FOXP2: variants seen among roughly 807,000 people sequenced by gnomAD.
FOXP2 encodes the protein forkhead box protein P2.
A neutral mutation model predicts 115.8 loss-of-function variants in FOXP2; 12 were observed. The ratio of observed to expected loss-of-function variants is 0.10; its 90% CI spans 0.07 to 0.17. The LOEUF (loss-of-function observed/expected upper bound fraction) is 0.17, where lower values mean the gene tolerates loss of function less well. Among genes scored for constraint, FOXP2 ranks in the 10% least tolerant of loss-of-function variants. FOXP2 has a pLI of 1.00. For missense variants in FOXP2, 629 were observed against 843.5 expected (o/e 0.75, Z 3.15); for synonymous variants, 328 against 297.7 (o/e 1.10, Z -1.05).
At chr7:114,684,749 A>AT (rs1808271533) in intron 16 of FOXP2, among the ~76,000 whole-genome samples, 2 of 152,170 alleles carry the variant, frequency 1.3e-5, no homozygotes, top group Admixed American at 6.6e-5. Context: ...TCAAAATGTC[A>AT]TTTTTTATAA....
intron 1 of FOXP2, among the ~76,000 whole-genome samples, chr7:114,141,286 A>G (rs1014702461): frequency 4.6e-5 from 7 of 152,158 alleles, no homozygotes; most frequent in African/African-American, 1.4e-4. Flanking sequence ...CCCCAATATC[A>G]TTAAAGGATT....
intron 16 of FOXP2, among the ~76,000 whole-genome samples, chr7:114,689,379 AGTT>A (rs1453150105): frequency 2.0e-5 from 3 of 152,192 alleles, no homozygotes; most frequent in Admixed American, 1.3e-4. Context: ...TAGAAATAAC[AGTT>A]GTTATCTTAA....
In FOXP2 at chr7:114,191,460, CTT is replaced by C. The variant is rs557287914; in HGVS notation, c.-102+28374_-102+28375del. On this transcript the variant is annotated intron_variant, in intron 1 of 17. Coordinates refer to the FOXP2 transcript ENST00000634411. ...TTTGAGCTAAGGGCAGGAATAAAAACTTTGAGTTTTTCTCGAGAGACGCATAT... is the reference window on the plus strand; with the variant it reads ...TTTGAGCTAAGGGCAGGAATAAAAACTGAGTTTTTCTCGAGAGACGCATAT... Among the ~76,000 whole-genome samples the C allele has an allele frequency of 1.5e-3, 221 of 152,248 alleles. 2 individuals are homozygous for C. Among genetic ancestry groups the C allele is most frequent in the South Asian group, 4.8e-3 (23 of 4,826 alleles).
intron 2 of FOXP2, among the ~76,000 whole-genome samples, chr7:114,333,134 G>T (rs1190032477): frequency 6.6e-6 from 1 of 152,028 alleles, no homozygotes; most frequent in Non-Finnish European, 1.5e-5. Context: ...AAAATAAACT[G>T]CCAGTGACTC....
intron 2 of FOXP2, among the ~76,000 whole-genome samples, chr7:114,295,177 A>C (rs1393002025): frequency 6.6e-6 from 1 of 152,222 alleles, no homozygotes; most frequent in Non-Finnish European, 1.5e-5. Context: ...ATTCAACTGA[A>C]CATTAAGTAC....
chr7:114,320,392 T>G (rs1797390688), intron 2 of FOXP2, among the ~76,000 whole-genome samples: 1 of 152,250 alleles, frequency 6.6e-6, no homozygotes, highest in African/African-American at 2.4e-5. Context: ...TAAGGTATTT[T>G]ATGTATTATA....
chr7:114,568,779 T>G (rs1029743169), intron 3 of FOXP2, among the ~76,000 whole-genome samples: 1 of 151,894 alleles, frequency 6.6e-6, no homozygotes, highest in African/African-American at 2.4e-5. Flanking sequence ...ATGCTTTTAT[T>G]CCATAGTATT....
intron 2 of FOXP2, among the ~76,000 whole-genome samples, chr7:114,327,021 T>C (rs1005085903): frequency 1.3e-5 from 2 of 152,186 alleles, no homozygotes; most frequent in African/African-American, 4.8e-5. Flanking sequence ...TAACCTTTCA[T>C]CCTTTGGCTC....
intron 16 of FOXP2, among the ~76,000 whole-genome samples, chr7:114,689,578 A>G (rs968181612): frequency 6.6e-6 from 1 of 152,212 alleles, no homozygotes; most frequent in African/African-American, 2.4e-5. Flanking sequence ...GTCCATGCTC[A>G]CATTACTCTG....
chr7:114,575,484 CT>C (rs1801524520), intron 3 of FOXP2, among the ~76,000 whole-genome samples: 1 of 151,730 alleles, frequency 6.6e-6, no homozygotes, highest in African/African-American at 2.4e-5. Flanking sequence ...TGAGAGGAGT[CT>C]TTATATTAAT....
chr7:114,602,887 A>G (rs1803105744), intron 3 of FOXP2, among the ~76,000 whole-genome samples: 1 of 152,298 alleles, frequency 6.6e-6, no homozygotes, highest in Non-Finnish European at 1.5e-5. Flanking sequence ...TTTAGCAAAA[A>G]TAGAAAACTA....
chr7:114,276,102 C>T (rs2129173998), intron 1 of FOXP2, among the ~76,000 whole-genome samples: 1 of 152,258 alleles, frequency 6.6e-6, no homozygotes, highest in Non-Finnish European at 1.5e-5. Flanking sequence ...TAACTAGTCT[C>T]TCCTGAGATC....
chr7:114,492,375 C>A (rs1797105115), intron 2 of FOXP2, among the ~76,000 whole-genome samples: 1 of 151,934 alleles, frequency 6.6e-6, no homozygotes, highest in Non-Finnish European at 1.5e-5. Flanking sequence ...CCTGGATTCA[C>A]TGATTTTTTG....
chr7:114,502,989 T>C (rs1460428451), intron 2 of FOXP2, among the ~76,000 whole-genome samples: 1 of 152,062 alleles, frequency 6.6e-6, no homozygotes, highest in African/African-American at 2.4e-5. Context: ...TGGTTGTCTG[T>C]TACAATTCTC....
In FOXP2 at chr7:114,690,302, C is replaced by G. The variant is rs1294226107; in HGVS notation, c.*376C>G. On this transcript the variant is annotated 3_prime_UTR_variant, in exon 17 of 17. Transcript: ENST00000350908. Reference sequence around the variant, plus strand: ...GTAGAAAGCAAATGCGCCTCATATACTGCCAAAAATAGTGTTAGTTTCATT... The same window carrying G: ...GTAGAAAGCAAATGCGCCTCATATAGTGCCAAAAATAGTGTTAGTTTCATT... 4.4e-6 allele frequency: 2 copies of G among 456,338 alleles called. No homozygotes were observed. Among genetic ancestry groups the G allele is most frequent in the African/African-American group, 4.0e-5 (2 of 50,036 alleles). The allele number at this position is 456,338 out of a possible 1,614,324, so 28.3% of individuals were successfully genotyped here. A position where few individuals can be genotyped will look rare whatever the true frequency, so the allele number is the denominator to read the frequency against.
intron 2 of FOXP2, among the ~76,000 whole-genome samples, chr7:114,389,215 T>G (rs962665854): frequency 5.9e-5 from 9 of 152,342 alleles, no homozygotes; most frequent in African/African-American, 2.2e-4. Flanking sequence ...CAAAATGAAC[T>G]CAGTAAAACT....
chr7:114,498,530 A>G (rs1287995239), intron 2 of FOXP2, among the ~76,000 whole-genome samples: 1 of 152,202 alleles, frequency 6.6e-6, no homozygotes, highest in African/African-American at 2.4e-5. Flanking sequence ...AAAGAGCCAT[A>G]TAAGGTCAGA....
At chr7:114,174,816 G>T (rs1439324379) in intron 1 of FOXP2, among the ~76,000 whole-genome samples, 1 of 152,006 alleles carries the variant, frequency 6.6e-6, no homozygotes, top group East Asian at 1.9e-4. Flanking sequence ...AACTGATTTG[G>T]ATCTTTATCT....
intron 2 of FOXP2, among the ~76,000 whole-genome samples, chr7:114,376,544 T>C (rs1463505631): frequency 2.6e-5 from 4 of 152,178 alleles, no homozygotes; most frequent in African/African-American, 9.7e-5. Flanking sequence ...GGACTCTAAA[T>C]GTATAAAGCT....
Sources: allele counts gnomAD v4.1 joint callset (sites outside exome capture counted in the v4.1 genomes callset), GRCh38; gene constraint gnomAD v4.1.1; transcripts MANE v1.5; gene names NCBI Gene and HGNC (gene_info 2026-07-23, HGNC 2026-07-21).